The following FBN1 variants were observed in gnomAD, a reference collection of about 807,000 sequenced individuals.
FBN1 encodes the protein fibrillin-1.
Under a neutral mutation model 365.1 loss-of-function variants are expected in FBN1, and 29 were observed. That is an observed-to-expected ratio of 0.08 (90% CI 0.06 to 0.11). FBN1 has a LOEUF of 0.11. Ranked by LOEUF, FBN1 falls within the 10% of genes least tolerant of loss-of-function variation. FBN1 has a pLI of 1.00. For synonymous variants in FBN1, 1,210 were observed against 1,270.5 expected (o/e 0.95, Z 1.01); for missense variants, 2,476 against 3,703.2 (o/e 0.67, Z 8.60).
chr15:48,454,728 G>A (rs754644657), intron 44 of FBN1, among the ~76,000 whole-genome samples: 4 of 152,192 alleles, frequency 2.6e-5, no homozygotes, highest in South Asian at 2.1e-4. Context: ...TACATCAGCC[G>A]ATGCCTCTTG....
intron 2 of FBN1, among the ~76,000 whole-genome samples, chr15:48,624,422 T>C (rs896242637): frequency 6.6e-6 from 1 of 152,248 alleles, no homozygotes; most frequent in African/African-American, 2.4e-5. Flanking sequence ...AGGGCATCTG[T>C]ATCTGGCCTA....
At chr15:48,537,572 A>C (rs1263723933) in intron 7 of FBN1, 39 bp downstream of exon 7, 3 of 1,610,758 alleles carry the variant, frequency 1.9e-6, no homozygotes, top group Non-Finnish European at 2.5e-6. Context: ...CAGAGCAAAT[A>C]AGATTAATCC....
At chr15:48,562,488 G>A (rs2044230329) in intron 6 of FBN1, among the ~76,000 whole-genome samples, 2 of 152,194 alleles carry the variant, frequency 1.3e-5, no homozygotes, top group African/African-American at 2.4e-5. Flanking sequence ...TTTTGTGCAT[G>A]GGCATGAACG....
intron 6 of FBN1, among the ~76,000 whole-genome samples, chr15:48,570,456 G>A (rs2044298061): frequency 6.7e-6 from 1 of 149,148 alleles, no homozygotes; most frequent in Non-Finnish European, 1.5e-5. Flanking sequence ...TACTGTAAAT[G>A]TTGGGAAAAC....
chr15:48,556,196 A>G (rs542632313), intron 6 of FBN1, among the ~76,000 whole-genome samples: 1 of 152,310 alleles, frequency 6.6e-6, no homozygotes, highest in South Asian at 2.1e-4. Flanking sequence ...CGAACCTCAA[A>G]GGTTAGTGAC....
In FBN1 at chr15:48,408,724, A is replaced by C. The variant is rs1328164320; in HGVS notation, c.*2266T>G. Reference sequence around the variant, plus strand: ...GAGGAAAATGTTTTGTTACAGTCAGAAACATGGAAAATATGCTGTTCAAAA... The same window carrying C: ...GAGGAAAATGTTTTGTTACAGTCAGCAACATGGAAAATATGCTGTTCAAAA... On this transcript the variant is annotated 3_prime_UTR_variant, in exon 66 of 66. Coordinates refer to ENST00000316623, the MANE Select transcript of FBN1 (RefSeq NM_000138.5). 1 of 152,660 alleles carries C rather than the reference A, an allele frequency of 6.6e-6. No homozygotes were observed. The highest frequency in any genetic ancestry group is 1.9e-4 in the East Asian group (1 of 5,208). 9.5% of individuals were successfully genotyped at this position (152,660 alleles called of 1,614,324 possible).
chr15:48,639,577 CT>C (rs1340257316), intron 2 of FBN1, among the ~76,000 whole-genome samples: 1 of 152,178 alleles, frequency 6.6e-6, no homozygotes, highest in Non-Finnish European at 1.5e-5. Flanking sequence ...AATTAATGAA[CT>C]TTCTGAAACC....
intron 2 of FBN1, among the ~76,000 whole-genome samples, chr15:48,627,145 C>T (rs1253467879): frequency 6.6e-6 from 1 of 152,242 alleles, no homozygotes; most frequent in East Asian, 1.9e-4. Context: ...AATGTATTCT[C>T]TTTTTTGTAT....
Position 48,470,635 on chromosome 15 carries a change from T to C in FBN1, c.4458A>G (p.Thr1486=), listed in dbSNP as rs2043364642. The change falls in exon 36 of 66, where the codon ACA becomes ACG. Residue 1486 remains threonine, a splice_region_variant and synonymous_variant. Coordinates refer to ENST00000316623, the MANE Select transcript of FBN1 (RefSeq NM_000138.5). Reference sequence around the variant, plus strand: ...TTTTGATGCCAGTGGAGGTCTTACCTGTGCAGTTCCCGCCGCTTCTGTCCA... The same window carrying C: ...TTTTGATGCCAGTGGAGGTCTTACCCGTGCAGTTCCCGCCGCTTCTGTCCA... ...YELDRSGGNC[T]DVNECLDPTT... The C allele has an allele frequency of 2.5e-6, 4 of 1,614,022 alleles. No homozygotes were observed. Among genetic ancestry groups the C allele is most frequent in the Non-Finnish European group, 2.5e-6 (3 of 1,180,016 alleles).
rs574565051 is a variant in FBN1 at position 48,491,865 on chromosome 15, C to T, written c.2854+596G>A. Reference sequence around the variant, plus strand: ...CATGAGATGTGCGATCTCAAACTTGCCACTATCACGAGCCCATAGGGACTT... The same window carrying T: ...CATGAGATGTGCGATCTCAAACTTGTCACTATCACGAGCCCATAGGGACTT... On this transcript the variant is annotated intron_variant, in intron 24 of 65. Coordinates refer to ENST00000316623, the MANE Select transcript of FBN1 (RefSeq NM_000138.5). Among the ~76,000 whole-genome samples, 18 of 152,276 alleles carry T rather than the reference C, an allele frequency of 1.2e-4. No individual in the cohort carries two copies. In the East Asian group the frequency reaches 3.3e-3, roughly 28 times the overall value.
At chr15:48,617,325 CCA>C (rs899813262) in intron 2 of FBN1, among the ~76,000 whole-genome samples, 1 of 152,070 alleles carries the variant, frequency 6.6e-6, no homozygotes, top group Admixed American at 6.5e-5. Context: ...CAGGCACACA[CCA>C]CTACACCCAG....
At chr15:48,551,297 C>T (rs1018783990) in intron 6 of FBN1, among the ~76,000 whole-genome samples, 19 of 152,068 alleles carry the variant, frequency 1.2e-4, no homozygotes, top group Admixed American at 7.9e-4. Flanking sequence ...CAATACATCC[C>T]GCTATTCTTA....
At chr15:48,476,774 CTTTTTTT>C (rs34020705) in intron 32 of FBN1, 8 of 64,614 alleles carry the variant, frequency 1.2e-4, no homozygotes, top group Non-Finnish European at 2.0e-4. Context: ...CCACGCCTGG[CTTTTTTT>C]TTTTTTTTTT....
intron 6 of FBN1, 132 bp from the exon 7 acceptor site, chr15:48,537,940 G>T: frequency 2.1e-6 from 2 of 939,294 alleles, no homozygotes; most frequent in Non-Finnish European, 1.7e-6. Context: ...ATGCATCACT[G>T]TCCCTGTGTA....
chr15:48,432,770 A>G (rs542728929), intron 55 of FBN1, 96 bp downstream of exon 55: 1 of 1,491,382 alleles, frequency 6.7e-7, no homozygotes, highest in South Asian at 1.1e-5. Flanking sequence ...TTATATTCCA[A>G]TTCCCAGCCT....
In FBN1 at chr15:48,410,037, A is replaced by G. The variant is rs2042847905; in HGVS notation, c.*953T>C. 6.6e-6 allele frequency: 1 copy of G among 152,658 alleles called. No homozygotes were observed. The highest frequency in any genetic ancestry group is 2.4e-5 in the African/African-American group (1 of 41,462). 9.5% of individuals were successfully genotyped at this position (152,658 alleles called of 1,614,324 possible). On this transcript the variant is annotated 3_prime_UTR_variant, in exon 66 of 66. Coordinates refer to ENST00000316623, the MANE Select transcript of FBN1 (RefSeq NM_000138.5). ...ATTTAGCCTCCGGAATGGCCCCTCC[A>G]ACCCCAAATCCATGCAAGAACACAA...
chr15:48,472,578 G>T lies in FBN1; in HGVS notation c.4309C>A (p.Pro1437Thr). The T allele has an allele frequency of 6.2e-7, 1 of 1,614,106 alleles. No homozygotes were observed. The highest frequency in any genetic ancestry group is 8.5e-7 in the Non-Finnish European group (1 of 1,180,022). Reference sequence around the variant, plus strand: ...TCACAGGCTTTCCCGTCAGCACTGGGCACGAAGCCCATGTCGCATTCACAG... The same window carrying T: ...TCACAGGCTTTCCCGTCAGCACTGGTCACGAAGCCCATGTCGCATTCACAG... ...YRCECDMGFV[P>T]SADGKACEDI... is the part of the protein sequence containing the mutation. The change falls in exon 35 of 66, where the codon CCC (proline) becomes ACC (threonine). Residue 1437 changes from proline to threonine, a missense_variant. This residue lies in a region of FBN1 where 1,780 missense variants were observed against 2,840.8 expected (regional missense o/e 0.63). Coordinates refer to ENST00000316623, the MANE Select transcript of FBN1 (RefSeq NM_000138.5).
chr15:48,453,292 AAC>A (rs1491099722), intron 44 of FBN1, among the ~76,000 whole-genome samples: 3,029 of 99,242 alleles, frequency 0.031, 103 homozygotes, highest in African/African-American at 0.099. Flanking sequence ...AAATAAAACA[AAC>A]AAAAAAAAAA....
chr15:48,565,668 C>T (rs2044254762), intron 6 of FBN1, among the ~76,000 whole-genome samples: 1 of 151,076 alleles, frequency 6.6e-6, no homozygotes, highest in Admixed American at 6.6e-5. Flanking sequence ...TTCCACTAAT[C>T]TCAGCAAATA....
Sources: gnomAD v4.1 joint callset for allele counts (sites outside exome capture counted in the v4.1 genomes callset) on GRCh38, gnomAD v4.1.1 for gene constraint, gnomAD v4.1.1 regional missense constraint, MANE v1.5 for transcripts, NCBI Gene and HGNC (gene_info 2026-07-23, HGNC 2026-07-21) for gene names.